The following CTNND2 variants were observed in gnomAD, a reference collection of about 807,000 sequenced individuals.
The protein encoded by CTNND2 is catenin delta 2.
A neutral mutation model predicts 144.4 loss-of-function variants in CTNND2; 22 were observed. That is an observed-to-expected ratio of 0.15 (90% CI 0.11 to 0.22). The LOEUF (loss-of-function observed/expected upper bound fraction) is 0.22. Ranked by LOEUF, CTNND2 falls within the 10% of genes least tolerant of loss-of-function variation. The pLI, the probability that CTNND2 is intolerant of heterozygous loss-of-function variation, is 1.00. For missense variants in CTNND2, 1,353 were observed against 1,618.8 expected (o/e 0.84, Z 2.82); for synonymous variants, 751 against 695.6 (o/e 1.08, Z -1.25).
At position 11,330,475 on chromosome 5, in the gene CTNND2, C is replaced by T. The variant is rs1468112490; in HGVS notation, c.1628+15897G>A. Among the ~76,000 whole-genome samples the T allele has an allele frequency of 2.6e-5, 3 of 114,764 alleles. No homozygotes were observed. The East Asian group carries it at 7.1e-4, about 27-fold the overall frequency. 75.3% of individuals were successfully genotyped at this position (114,764 alleles called of 152,430 possible). A position where few individuals can be genotyped will look rare whatever the true frequency, so the allele number is the denominator to read the frequency against. On this transcript the variant is annotated intron_variant, in intron 9 of 21. Coordinates refer to ENST00000304623, the MANE Select transcript of CTNND2 (RefSeq NM_001332.4). ...CTCCAGCCTGGGTGACAGAGAGAGA[C>T]TCCGTCTCAAAAAAAAAAAAAAAAA... is the stretch of plus-strand genomic sequence containing the variant.
intron 10 of CTNND2, among the ~76,000 whole-genome samples, chr5:11,231,220 C>T (rs1291809676): frequency 6.8e-6 from 1 of 147,324 alleles, no homozygotes; most frequent in Non-Finnish European, 1.5e-5. Flanking sequence ...CATTAAACCT[C>T]TTTTTTTAAT....
intron 20 of CTNND2, among the ~76,000 whole-genome samples, chr5:10,984,930 C>T (rs960204567): frequency 7.9e-5 from 12 of 151,908 alleles, no homozygotes; most frequent in African/African-American, 2.2e-4. Context: ...AAAAATTAGC[C>T]GGGCATGGTG....
At chr5:11,624,619 G>A (rs1035427636) in intron 2 of CTNND2, among the ~76,000 whole-genome samples, 1 of 152,070 alleles carries the variant, frequency 6.6e-6, no homozygotes, top group African/African-American at 2.4e-5. Context: ...CCTGAATAGA[G>A]CAGTAACATT....
chr5:11,313,915 T>G (rs1751243216), intron 9 of CTNND2, among the ~76,000 whole-genome samples: 1 of 151,736 alleles, frequency 6.6e-6, no homozygotes, highest in Non-Finnish European at 1.5e-5. Flanking sequence ...AATGGGGAAG[T>G]GCCACACACG....
In CTNND2 at chr5:11,385,100, C is replaced by A; in HGVS notation, c.742G>T (p.Ala248Ser). 9 of 1,031,662 alleles carry A rather than the reference C, an allele frequency of 8.7e-6. No individual in the cohort carries two copies. Among genetic ancestry groups the A allele is most frequent in the Non-Finnish European group, 1.0e-5 (9 of 862,552 alleles). 63.9% of individuals were successfully genotyped at this position (1,031,662 alleles called of 1,614,324 possible). The change falls in exon 7 of 22, where the codon GCC (alanine) becomes TCC (serine). Residue 248 changes from alanine to serine, a missense_variant. This residue lies in a region of CTNND2 where 708 missense variants were observed against 706.4 expected (regional missense o/e 1.00). Transcript: ENST00000304623. The stretch of plus-strand genomic sequence containing the variant: ...CTGGAGTAGTAGAGCGCGGCGGCGG[C>A]GGCGGCGGGCGGCGCGTCGGGCAGG... ...FHLPDAPPAA[A>S]AAALYYSSST...
chr5:11,323,452 TG>T (rs1561217959), intron 9 of CTNND2, among the ~76,000 whole-genome samples: 1 of 152,058 alleles, frequency 6.6e-6, no homozygotes, highest in African/African-American at 2.4e-5. Flanking sequence ...TGGGACACAG[TG>T]AGGAGCAGGC....
Position 11,092,315 on chromosome 5 carries a change from T to C in CTNND2, c.2637+6260A>G, listed in dbSNP as rs146941030. ...AGTGGAAATCCCTCTGGTTCAGCTGTTTCTACAACTTTAAAGTTCTGTAAT... is the reference window on the plus strand; with the variant it reads ...AGTGGAAATCCCTCTGGTTCAGCTGCTTCTACAACTTTAAAGTTCTGTAAT... On this transcript the variant is annotated intron_variant, in intron 15 of 21. Transcript: ENST00000304623. Among the ~76,000 whole-genome samples, 554 of 152,358 alleles carry C rather than the reference T, an allele frequency of 3.6e-3. 1 individual carries two copies. The highest frequency in any genetic ancestry group is 6.6e-3 in the Non-Finnish European group (448 of 68,036).
At chr5:11,189,532 C>T (rs945384494) in intron 11 of CTNND2, among the ~76,000 whole-genome samples, 1 of 152,176 alleles carries the variant, frequency 6.6e-6, no homozygotes, top group Non-Finnish European at 1.5e-5. Flanking sequence ...TACATATTTT[C>T]TCTTCCTTAT....
At chr5:11,191,003 T>C (rs1010081707) in intron 11 of CTNND2, among the ~76,000 whole-genome samples, 3 of 152,162 alleles carry the variant, frequency 2.0e-5, no homozygotes, top group Non-Finnish European at 4.4e-5. Flanking sequence ...AACTGAGCCT[T>C]CCTGAGATCT....
intron 9 of CTNND2, among the ~76,000 whole-genome samples, chr5:11,274,535 T>C (rs1032470768): frequency 2.7e-5 from 4 of 148,232 alleles, no homozygotes; most frequent in Non-Finnish European, 5.9e-5. Flanking sequence ...AATTAGAAAA[T>C]AAAACAAATA....
intron 10 of CTNND2, among the ~76,000 whole-genome samples, chr5:11,226,733 T>C (rs928800249): frequency 6.6e-6 from 1 of 152,232 alleles, no homozygotes; most frequent in Non-Finnish European, 1.5e-5. Flanking sequence ...GTGGGAATTA[T>C]GGGAACTACA....
At chr5:11,382,672 T>C in intron 7 of CTNND2, among the ~76,000 whole-genome samples, 1 of 150,836 alleles carries the variant, frequency 6.6e-6, no homozygotes, top group Non-Finnish European at 1.5e-5. Context: ...TGAAAGTCAC[T>C]ACATATCCTG....
At chr5:11,327,060 C>T (rs543112636) in intron 9 of CTNND2, among the ~76,000 whole-genome samples, 7 of 152,314 alleles carry the variant, frequency 4.6e-5, no homozygotes, top group Middle Eastern at 3.4e-3. Flanking sequence ...GACAACCACA[C>T]AGCATGAAGT....
chr5:11,733,404 G>GA (rs889735852), intron 1 of CTNND2, among the ~76,000 whole-genome samples: 2 of 152,068 alleles, frequency 1.3e-5, no homozygotes, highest in African/African-American at 2.4e-5. Flanking sequence ...GCGTGTATGG[G>GA]AAAAAACCCA....
chr5:11,903,861 C>G lies in CTNND2; in HGVS notation c.-8G>C. 2 of 1,480,224 alleles carry G rather than the reference C, an allele frequency of 1.4e-6. No homozygotes were observed. The highest frequency in any genetic ancestry group is 1.8e-6 in the Non-Finnish European group (2 of 1,120,996). 91.7% of individuals were successfully genotyped at this position (1,480,224 alleles called of 1,614,324 possible). Reference sequence around the variant, plus strand: ...CGGCTTCCTCGCAAACATGCACCCTCCGCCGGCGACAGCTCCTCAGTCCGG... The same window carrying G: ...CGGCTTCCTCGCAAACATGCACCCTGCGCCGGCGACAGCTCCTCAGTCCGG... On this transcript the variant is annotated 5_prime_UTR_variant, in exon 1 of 22. Coordinates refer to ENST00000304623, the MANE Select transcript of CTNND2 (RefSeq NM_001332.4). The surrounding 1 kb of genome is among the most constrained non-coding windows in gnomAD (Gnocchi z 5.4).
chr5:11,188,445 C>G (rs765482977), intron 11 of CTNND2, among the ~76,000 whole-genome samples: 3 of 152,118 alleles, frequency 2.0e-5, no homozygotes, highest in Non-Finnish European at 4.4e-5. Flanking sequence ...ACAACCCACA[C>G]TGGGGCCAGT....
intron 12 of CTNND2, among the ~76,000 whole-genome samples, chr5:11,152,473 G>GT (rs1430434008): frequency 6.6e-6 from 1 of 152,326 alleles, no homozygotes; most frequent in African/African-American, 2.4e-5. Flanking sequence ...CTAGGTTTGT[G>GT]TAAGTGCGCC....
chr5:11,647,215 C>G (rs1782400476), intron 2 of CTNND2, among the ~76,000 whole-genome samples: 1 of 152,108 alleles, frequency 6.6e-6, no homozygotes, highest in South Asian at 2.1e-4. Flanking sequence ...AACACTGCCC[C>G]ACCCCAATTC....
At chr5:11,205,711 T>C (rs556764464) in intron 10 of CTNND2, among the ~76,000 whole-genome samples, 126 of 152,358 alleles carry the variant, frequency 8.3e-4, no homozygotes, top group Non-Finnish European at 1.3e-3. Context: ...TACAGAAGTA[T>C]ATTTCATAAA....
Sources: allele counts gnomAD v4.1 joint callset (sites outside exome capture counted in the v4.1 genomes callset), GRCh38; gene constraint gnomAD v4.1.1; regional missense constraint gnomAD v4.1.1; non-coding constraint Gnocchi (gnomAD v3.1); transcripts MANE v1.5; gene names NCBI Gene and HGNC (gene_info 2026-07-23, HGNC 2026-07-21).